INSL6: variants seen among roughly 807,000 people sequenced by gnomAD.
INSL6 encodes the protein insulin like 6, also known as insulin-like peptide INSL6.
INSL6 carries 16 observed loss-of-function variants against 9.4 expected under a neutral mutation model. The ratio of observed to expected loss-of-function variants is 1.70; its 90% confidence interval spans 1.15 to 2.59. INSL6 has a LOEUF of 2.59. INSL6 is among the 30% of genes most tolerant of loss of function. INSL6 has a pLI of 0.00. For missense variants in INSL6, 391 were observed against 257.3 expected, an observed-to-expected ratio of 1.52 and a Z score of -3.56; for synonymous variants, 154 against 96.9, an observed-to-expected ratio of 1.59 and a Z score of -3.46.
At chr9:5,106,510 G>A in the INSL6 span, among the ~76,000 whole-genome samples, 1 of 152,192 alleles carries the variant, frequency 6.6e-6, no homozygotes, top group Non-Finnish European at 1.5e-5. Flanking sequence ...CAAGGATCTA[G>A]AACTAGAAAT....
chr9:5,003,069 C>G, the INSL6 span, among the ~76,000 whole-genome samples: 1 of 151,920 alleles, frequency 6.6e-6, no homozygotes, highest in African/African-American at 2.4e-5. Context: ...TTTTTGGACT[C>G]TATTCTGTTC....
chr9:5,134,894 AATTGGATAGAGT>A (rs1236084749), intron 2 of INSL6, among the ~76,000 whole-genome samples: 2 of 152,216 alleles, frequency 1.3e-5, no homozygotes, highest in African/African-American at 4.8e-5. Context: ...CACACTGGCA[AATTGGATAGAGT>A]CAAGACCCAT....
chr9:5,172,379 C>T (rs1167354015), intron 1 of INSL6, among the ~76,000 whole-genome samples: 3 of 152,160 alleles, frequency 2.0e-5, no homozygotes, highest in African/African-American at 7.2e-5. Flanking sequence ...CTAGGCAATG[C>T]TATTCACAAC....
At chr9:5,123,718 A>T (rs561737480), downstream of INSL6, among the ~76,000 whole-genome samples, 41 of 152,078 alleles carry the variant, frequency 2.7e-4, no homozygotes, top group African/African-American at 9.4e-4. Flanking sequence ...GTCTCTGAGA[A>T]ATCTTTATAA....
intron 3 of INSL6, among the ~76,000 whole-genome samples, chr9:5,130,024 T>C (rs1333602967): frequency 6.6e-6 from 1 of 152,200 alleles, no homozygotes; most frequent in Non-Finnish European, 1.5e-5. Context: ...TTCTTTTTTA[T>C]AGTCTTTCAC....
At chr9:5,166,013 T>C (rs549655131) in intron 1 of INSL6, among the ~76,000 whole-genome samples, 26 of 152,298 alleles carry the variant, frequency 1.7e-4, no homozygotes, top group Non-Finnish European at 2.5e-4. Context: ...ATCCACGTCA[T>C]GTGAAAAACA....
chr9:5,085,148 G>A, the INSL6 span: 1 of 646,806 alleles, frequency 1.5e-6, no homozygotes, highest in Admixed American at 1.8e-5. Context: ...AATACATACT[G>A]TGGAGCTCTG....
chr9:5,154,634 A>G (rs971442814), intron 2 of INSL6, among the ~76,000 whole-genome samples: 1 of 152,050 alleles, frequency 6.6e-6, no homozygotes, highest in Non-Finnish European at 1.5e-5. Flanking sequence ...CAAGAAAAAA[A>G]GCAAAGAACC....
intron 2 of INSL6, among the ~76,000 whole-genome samples, chr9:5,153,924 T>C (rs61651030): frequency 0.013 from 1,938 of 152,246 alleles, 50 homozygotes; most frequent in African/African-American, 0.044. Context: ...TTCAATGCTA[T>C]CACCATCAAG....
chr9:5,155,756 C>G (rs1458160508), intron 2 of INSL6, among the ~76,000 whole-genome samples: 1 of 150,590 alleles, frequency 6.6e-6, no homozygotes, highest in Non-Finnish European at 1.5e-5. Context: ...ACATCACACA[C>G]CGGGGCCTGT....
intron 1 of INSL6, among the ~76,000 whole-genome samples, chr9:5,180,069 G>A (rs1825413134): frequency 6.6e-6 from 1 of 152,204 alleles, no homozygotes; most frequent in Admixed American, 6.5e-5. Flanking sequence ...GGGAAGTCAG[G>A]GACCCTGAAC....
At chr9:5,142,019 T>C (rs1824511048) in intron 2 of INSL6, among the ~76,000 whole-genome samples, 1 of 152,184 alleles carries the variant, frequency 6.6e-6, no homozygotes, top group African/African-American at 2.4e-5. Flanking sequence ...GAAAATCAGA[T>C]AGTTGTAGGT....
the INSL6 span, among the ~76,000 whole-genome samples, chr9:5,020,749 G>A: frequency 4.6e-5 from 7 of 152,250 alleles, no homozygotes; most frequent in East Asian, 1.2e-3. Context: ...GGAGCAGTGG[G>A]GTTATTGCCA....
At chr9:5,115,381 G>C in the INSL6 span, among the ~76,000 whole-genome samples, 1 of 152,184 alleles carries the variant, frequency 6.6e-6, no homozygotes, top group Non-Finnish European at 1.5e-5. Context: ...ATGCCAGTTA[G>C]AATGGCGATC....
the INSL6 span, among the ~76,000 whole-genome samples, chr9:5,055,399 TG>T: frequency 6.6e-6 from 1 of 152,014 alleles, no homozygotes; most frequent in East Asian, 1.9e-4. Flanking sequence ...TTTCTGGCAG[TG>T]GTTTCTACTA....
At chr9:5,175,431 A>C (rs551191642) in intron 1 of INSL6, among the ~76,000 whole-genome samples, 5 of 152,072 alleles carry the variant, frequency 3.3e-5, no homozygotes, top group Non-Finnish European at 7.4e-5. Context: ...GATCCATTTA[A>C]AATGTCAATT....
At chr9:5,045,710 C>G in the INSL6 span, among the ~76,000 whole-genome samples, 8 of 152,282 alleles carry the variant, frequency 5.3e-5, no homozygotes, top group South Asian at 1.0e-3. Context: ...AGCATAATGT[C>G]TGTCAGGTTC....
the INSL6 span, among the ~76,000 whole-genome samples, chr9:5,093,977 T>C: frequency 2.6e-3 from 394 of 152,252 alleles, no homozygotes; most frequent in African/African-American, 9.3e-3. Context: ...CCATAAATGA[T>C]GCTATCTCAA....
chr9:5,033,813 T>G, the INSL6 span, among the ~76,000 whole-genome samples: 2 of 152,270 alleles, frequency 1.3e-5, no homozygotes, highest in African/African-American at 4.8e-5. Context: ...CCATCGAGGC[T>G]AGGAAGAAAC....
Sources: gnomAD v4.1 joint callset for allele counts (sites outside exome capture counted in the v4.1 genomes callset) on GRCh38, gnomAD v4.1.1 for gene constraint, MANE v1.5 for transcripts, NCBI Gene and HGNC (gene_info 2026-07-23, HGNC 2026-07-21) for gene names.